Variants in PCDH7 observed in about 807,000 individuals in gnomAD.
PCDH7 encodes the protein protocadherin 7.
Under a neutral mutation model 58.9 loss-of-function variants are expected in PCDH7, and 17 were observed. The observed-to-expected ratio is 0.29, with a 90% confidence interval of 0.20 to 0.43. The LOEUF is 0.43. Ranked by LOEUF, PCDH7 falls within the 20% of genes least tolerant of loss-of-function variation. PCDH7 has a pLI of 1.00. For synonymous variants in PCDH7, 664 were observed against 616.4 expected, an observed-to-expected ratio of 1.08 and a Z score of -1.14; for missense variants, 1,274 against 1,441.0, an observed-to-expected ratio of 0.88 and a Z score of 1.88.
intron 1 of PCDH7, among the ~76,000 whole-genome samples, chr4:30,780,617 T>C (rs1316935518): frequency 2.0e-5 from 3 of 152,188 alleles, no homozygotes; most frequent in African/African-American, 7.2e-5. Context: ...GAACAGGCTC[T>C]TCTAGAGCAC....
chr4:30,883,539 A>AT (rs1351600954), intron 1 of PCDH7, among the ~76,000 whole-genome samples: 1 of 152,160 alleles, frequency 6.6e-6, no homozygotes, highest in African/African-American at 2.4e-5. Context: ...AAGAAATACA[A>AT]TTTCCATGGC....
chr4:30,773,962 T>C (rs1721743943), intron 1 of PCDH7, among the ~76,000 whole-genome samples: 1 of 152,214 alleles, frequency 6.6e-6, no homozygotes, highest in Non-Finnish European at 1.5e-5. Flanking sequence ...ATATTCCATT[T>C]AGTGGGACTG....
chr4:31,012,192 C>T (rs1371291142), intron 3 of PCDH7, among the ~76,000 whole-genome samples: 1 of 151,978 alleles, frequency 6.6e-6, no homozygotes, highest in Admixed American at 6.6e-5. Flanking sequence ...TTCCTTTTGG[C>T]CATGTGGAAA....
At chr4:31,129,209 T>A (rs1718670176) in intron 3 of PCDH7, among the ~76,000 whole-genome samples, 1 of 152,142 alleles carries the variant, frequency 6.6e-6, no homozygotes, top group African/African-American at 2.4e-5. Flanking sequence ...TATGAATAGG[T>A]AGCAGACTTC....
At chr4:31,105,667 G>T (rs772490422) in intron 3 of PCDH7, among the ~76,000 whole-genome samples, 30 of 152,240 alleles carry the variant, frequency 2.0e-4, no homozygotes, top group Non-Finnish European at 3.2e-4. Context: ...AATAAGTATT[G>T]TTAGAAAATA....
At chr4:30,949,581 A>G (rs952411826) in intron 2 of PCDH7, among the ~76,000 whole-genome samples, 3 of 152,296 alleles carry the variant, frequency 2.0e-5, no homozygotes, top group African/African-American at 4.8e-5. Flanking sequence ...CTCCTCCAGT[A>G]TATAGGGATT....
chr4:30,784,722 A>T (rs10517216), intron 1 of PCDH7, among the ~76,000 whole-genome samples: 48,699 of 151,840 alleles, frequency 0.32, 8,258 homozygotes, highest in African/African-American at 0.4. Flanking sequence ...CTATTATAGG[A>T]GAAGAATTAA....
At chr4:30,973,290 G>A (rs948422343) in intron 3 of PCDH7, among the ~76,000 whole-genome samples, 2 of 152,172 alleles carry the variant, frequency 1.3e-5, no homozygotes, top group Non-Finnish European at 2.9e-5. Context: ...ATTGAGAAAT[G>A]CTGTTGCATG....
intron 3 of PCDH7, among the ~76,000 whole-genome samples, chr4:31,002,586 A>G (rs1752440091): frequency 6.6e-6 from 1 of 152,260 alleles, no homozygotes; most frequent in Non-Finnish European, 1.5e-5. Flanking sequence ...CCAGAAAACT[A>G]GAAAATGCAT....
intron 1 of PCDH7, among the ~76,000 whole-genome samples, chr4:30,908,126 C>T (rs1337464769): frequency 2.0e-5 from 3 of 151,782 alleles, no homozygotes; most frequent in Non-Finnish European, 2.9e-5. Context: ...GGAGGGATAG[C>T]ATTAGGAGAA....
At chr4:30,816,419 C>T (rs548506114) in intron 1 of PCDH7, among the ~76,000 whole-genome samples, 2 of 152,242 alleles carry the variant, frequency 1.3e-5, no homozygotes, top group Admixed American at 1.3e-4. Flanking sequence ...AACACATTTT[C>T]TTGTGACAAC....
At chr4:30,912,404 T>A (rs757106183) in intron 1 of PCDH7, among the ~76,000 whole-genome samples, 1 of 152,186 alleles carries the variant, frequency 6.6e-6, no homozygotes, top group Admixed American at 6.6e-5. Context: ...AATGCAGCAC[T>A]CCTTATAATA....
chr4:31,042,328 A>G (rs192626202), intron 3 of PCDH7, among the ~76,000 whole-genome samples: 111 of 152,292 alleles, frequency 7.3e-4, no homozygotes, highest in Admixed American at 1.2e-3. Flanking sequence ...AAGAACAACC[A>G]TATATTTTTT....
At chr4:31,139,816 A>G (rs1720033976) in intron 3 of PCDH7, among the ~76,000 whole-genome samples, 1 of 152,170 alleles carries the variant, frequency 6.6e-6, no homozygotes, top group Non-Finnish European at 1.5e-5. Flanking sequence ...AAATTTGATG[A>G]CAAACATTGC....
intron 1 of PCDH7, among the ~76,000 whole-genome samples, chr4:30,871,987 T>A (rs896099477): frequency 3.6e-4 from 55 of 152,242 alleles, no homozygotes; most frequent in African/African-American, 1.3e-3. Context: ...CTAGTCATAT[T>A]GGATTAGGGT....
chr4:30,940,735 C>G (rs565586039), intron 2 of PCDH7, among the ~76,000 whole-genome samples: 31 of 152,022 alleles, frequency 2.0e-4, no homozygotes, highest in South Asian at 8.3e-4. Context: ...ATAGCAGGCT[C>G]TTATGCTGTT....
intron 1 of PCDH7, among the ~76,000 whole-genome samples, chr4:30,772,337 A>T (rs1477076168): frequency 1.3e-5 from 2 of 152,200 alleles, no homozygotes; most frequent in Non-Finnish European, 2.9e-5. Context: ...AATACATGGG[A>T]CCTAATCTTC....
chr4:30,861,359 C>T (rs1734170258), intron 1 of PCDH7, among the ~76,000 whole-genome samples: 1 of 152,142 alleles, frequency 6.6e-6, no homozygotes, highest in South Asian at 2.1e-4. Flanking sequence ...ATTTTCTTAA[C>T]AGTGGATCTG....
downstream of PCDH7, chr4:31,143,131 A>T (rs1720454326): frequency 1.3e-5 from 2 of 150,364 alleles, no homozygotes; most frequent in South Asian, 1.3e-4. Context: ...AAAAACAAAA[A>T]GAAAAGAAAA....
Sources: allele counts gnomAD v4.1 joint callset (sites outside exome capture counted in the v4.1 genomes callset), GRCh38; gene constraint gnomAD v4.1.1; transcripts MANE v1.5; gene names NCBI Gene and HGNC (gene_info 2026-07-23, HGNC 2026-07-21).